OR51E1: variants seen among roughly 807,000 people sequenced by gnomAD.
The protein encoded by OR51E1 is olfactory receptor family 51 subfamily E member 1, also known as olfactory receptor 51E1.
Under a neutral mutation model 11.5 loss-of-function variants are expected in OR51E1, and 9 were observed. The ratio of observed to expected loss-of-function variants is 0.78; its 90% CI spans 0.47 to 1.37. OR51E1 has a LOEUF of 1.37. OR51E1 is among the 40% of genes most tolerant of loss of function. The pLI is 0.00. For synonymous variants in OR51E1, 168 were observed against 158.3 expected, an observed-to-expected ratio of 1.06 and a Z score of -0.46; for missense variants, 397 against 410.2, an observed-to-expected ratio of 0.97 and a Z score of 0.28.
rs1847127593 is a variant in OR51E1, at chr11:4,653,276, G to T, written c.750G>T (p.Val250=). The change falls in exon 2 of 2, where the codon GTG becomes GTT. Residue 250 remains valine (V), a synonymous_variant. Transcript: ENST00000396952. The part of the protein sequence containing the change: ...FGTCVSHVCA[V]FIFYVPFIGL... ...CTTGCGTCTCTCATGTGTGTGCTGT[G>T]TTCATATTCTATGTACCTTTCATTG... The T allele has an allele frequency of 1.2e-6, 2 of 1,614,022 alleles. No individual in the cohort carries two copies. The highest frequency in any genetic ancestry group is 2.2e-5 in the South Asian group (2 of 91,088).
chr11:4,652,712 G>A lies in OR51E1; in HGVS notation c.186G>A (p.Met62Ile), dbSNP rs768918165. 1.9e-6 allele frequency: 3 copies of A among 1,614,040 alleles called. No individual in the cohort carries two copies. The highest frequency in any genetic ancestry group is 2.5e-6 in the Non-Finnish European group (3 of 1,180,044). Residue 62 changes from methionine (M) to isoleucine (I), a missense_variant, in exon 2 of 2, where the codon ATG (methionine) becomes ATA (isoleucine). Physicochemically the swap from Met to Ile is conservative, Grantham distance 10. Coordinates refer to ENST00000396952, the MANE Select transcript of OR51E1 (RefSeq NM_152430.4). ...CTGAGCACAGCCTGCATGAGCCCAT[G>A]TATATATTTCTTTGCATGCTTTCAG... ...VRTEHSLHEP[M>I]YIFLCMLSGI...
intron 1 of OR51E1, among the ~76,000 whole-genome samples, chr11:4,650,409 G>A (rs963698625): frequency 6.6e-6 from 1 of 152,188 alleles, no homozygotes; most frequent in Non-Finnish European, 1.5e-5. Flanking sequence ...CTGCAGCAGC[G>A]AGAAGGGACA....
chr11:4,647,671 C>T (rs1041775578), intron 1 of OR51E1, among the ~76,000 whole-genome samples: 1 of 152,078 alleles, frequency 6.6e-6, no homozygotes, highest in Non-Finnish European at 1.5e-5. Flanking sequence ...ACGTGGATTT[C>T]CAGTCTTTAC....
chr11:4,652,832 A>G lies in OR51E1; in HGVS notation c.306A>G (p.Leu102=), dbSNP rs1247479332. ...STTIQFDACL[L]QMFAIHSLSG... Reference sequence around the variant, plus strand: ...CCATCCAGTTTGATGCTTGTCTGCTACAGATGTTTGCCATCCACTCCTTAT... The same window carrying G: ...CCATCCAGTTTGATGCTTGTCTGCTGCAGATGTTTGCCATCCACTCCTTAT... Residue 102 remains leucine (L), a synonymous_variant, in exon 2 of 2, where the codon CTA becomes CTG. Coordinates refer to ENST00000396952, the MANE Select transcript of OR51E1 (RefSeq NM_152430.4). 2 of 1,613,994 alleles carry G rather than the reference A, an allele frequency of 1.2e-6. No homozygotes were observed. Among genetic ancestry groups the G allele is most frequent in the Admixed American group, 1.7e-5 (1 of 59,994 alleles).
In OR51E1 at chr11:4,652,886, C is replaced by T. The variant is rs1276889594; in HGVS notation, c.360C>T (p.Ala120=). The change falls in exon 2 of 2, where the codon GCC becomes GCT. Residue 120 remains alanine (A), a synonymous_variant. Coordinates refer to ENST00000396952, the MANE Select transcript of OR51E1 (RefSeq NM_152430.4). ...GCATGGAATCCACAGTGCTGCTGGC[C>T]ATGGCTTTTGACCGCTATGTGGCCA... The part of the protein sequence containing the change: ...LSGMESTVLL[A]MAFDRYVAIC... 2 of 1,613,232 alleles carry T rather than the reference C, an allele frequency of 1.2e-6. No individual in the cohort carries two copies. The highest frequency in any genetic ancestry group is 1.7e-6 in the Non-Finnish European group (2 of 1,179,506).
Position 4,653,124 on chromosome 11 carries a change from G to C in OR51E1, c.598G>C (p.Val200Leu). Reference sequence around the variant, plus strand: ...CTGTGATGATATCCGGGTCAATGTCGTCTATGGCCTTATCGTCATCATCTC... The same window carrying C: ...CTGTGATGATATCCGGGTCAATGTCCTCTATGGCCTTATCGTCATCATCTC... ...LACDDIRVNV[V>L]YGLIVIISAI... The change falls in exon 2 of 2, where the codon GTC (valine) becomes CTC (leucine). Residue 200 changes from valine (V) to leucine (L), a missense_variant. Coordinates refer to ENST00000396952, the MANE Select transcript of OR51E1 (RefSeq NM_152430.4). 1 of 1,613,666 alleles carries C rather than the reference G, an allele frequency of 6.2e-7. No individual in the cohort carries two copies. Among genetic ancestry groups the C allele is most frequent in the Non-Finnish European group, 8.5e-7 (1 of 1,179,666 alleles).
intron 1 of OR51E1, among the ~76,000 whole-genome samples, chr11:4,650,568 T>A (rs1255641336): frequency 4.6e-5 from 7 of 152,194 alleles, no homozygotes; most frequent in Non-Finnish European, 1.0e-4. Flanking sequence ...TTCTATCTGG[T>A]CTGAGGAAAC....
At chr11:4,644,730 G>A (rs1299965482) in intron 1 of OR51E1, among the ~76,000 whole-genome samples, 2 of 152,028 alleles carry the variant, frequency 1.3e-5, no homozygotes, top group African/African-American at 2.4e-5. Flanking sequence ...CTTTGTATTA[G>A]CCAGGATGTA....
Position 4,652,916 on chromosome 11 carries a change from T to C in OR51E1, c.390T>C (p.Cys130=). 6.2e-7 allele frequency: 1 copy of C among 1,611,410 alleles called. No individual in the cohort carries two copies. The highest frequency in any genetic ancestry group is 1.1e-5 in the South Asian group (1 of 90,546). Residue 130 remains cysteine, a synonymous_variant, in exon 2 of 2, where the codon TGT becomes TGC. Transcript: ENST00000396952. ...AMAFDRYVAI[C]HPLRHATVLT... is the part of the protein sequence containing the mutation. ...CTTTTGACCGCTATGTGGCCATCTGTCACCCACTGCGCCATGCCACAGTAC... is the reference window on the plus strand; with the variant it reads ...CTTTTGACCGCTATGTGGCCATCTGCCACCCACTGCGCCATGCCACAGTAC...
At chr11:4,646,140 C>T (rs986785448) in intron 1 of OR51E1, among the ~76,000 whole-genome samples, 3 of 152,196 alleles carry the variant, frequency 2.0e-5, no homozygotes, top group African/African-American at 2.4e-5. Context: ...CCAGGTATGT[C>T]TGGGCTTCTC....
At chr11:4,644,462 G>A (rs1414493972) in intron 1 of OR51E1, among the ~76,000 whole-genome samples, 1 of 152,048 alleles carries the variant, frequency 6.6e-6, no homozygotes, top group Non-Finnish European at 1.5e-5. Context: ...TGGGGTGGAA[G>A]TGGGGCTCTG....
chr11:4,651,133 C>G (rs916035616), intron 1 of OR51E1, among the ~76,000 whole-genome samples: 8 of 152,178 alleles, frequency 5.3e-5, no homozygotes, highest in African/African-American at 1.9e-4. Context: ...TCAGTAATAT[C>G]AAATCATTTT....
chr11:4,650,941 C>CAA (rs34830469), intron 1 of OR51E1, among the ~76,000 whole-genome samples: 5,256 of 147,686 alleles, frequency 0.036, 259 homozygotes, highest in African/African-American at 0.12. Flanking sequence ...TGCAAATATT[C>CAA]AAAAAAAAAA....
chr11:4,652,383 G>T, intron 1 of OR51E1, 105 bp from the exon 2 acceptor site: 2 of 617,814 alleles, frequency 3.2e-6, no homozygotes, highest in African/African-American at 1.8e-5. Context: ...TTTGCATAAG[G>T]AATGGATTTA....
intron 1 of OR51E1, among the ~76,000 whole-genome samples, chr11:4,645,878 G>A (rs1286140929): frequency 6.6e-6 from 1 of 152,012 alleles, no homozygotes; most frequent in Non-Finnish European, 1.5e-5. Flanking sequence ...TTTTCATCTT[G>A]GCCATTTTAA....
In OR51E1 at chr11:4,653,203, A is replaced by T; in HGVS notation, c.677A>T (p.Lys226Met). The change falls in exon 2 of 2, where the codon AAG becomes ATG. Residue 226 changes from lysine (K) to methionine (M), a missense_variant. By Grantham distance (95) the Lys-to-Met change is moderately conservative. Transcript: ENST00000396952. ...TCCTTCTCATATCTGCTTATTCTTA[A>T]GACTGTGTTGGGCTTGACACGTGAA... The part of the protein sequence containing the change: ...LISFSYLLIL[K>M]TVLGLTREAQ... 1 of 1,614,038 alleles carries T rather than the reference A, an allele frequency of 6.2e-7. No homozygotes were observed. Among genetic ancestry groups the T allele is most frequent in the Non-Finnish European group, 8.5e-7 (1 of 1,179,978 alleles).
At chr11:4,651,385 A>C (rs1384699872) in intron 1 of OR51E1, among the ~76,000 whole-genome samples, 1 of 152,200 alleles carries the variant, frequency 6.6e-6, no homozygotes, top group Admixed American at 6.5e-5. Context: ...CAGGGGAAGA[A>C]AGCTAAGCAG....
At position 4,652,808 on chromosome 11, in the gene OR51E1, C is replaced by T; in HGVS notation, c.282C>T (p.Thr94=). 1 of 1,614,234 alleles carries T rather than the reference C, an allele frequency of 6.2e-7. No homozygotes were observed. Among genetic ancestry groups the T allele is most frequent in the Non-Finnish European group, 8.5e-7 (1 of 1,180,036 alleles). Residue 94 remains threonine (T), a synonymous_variant, in exon 2 of 2, where the codon ACC becomes ACT. Coordinates refer to ENST00000396952, the MANE Select transcript of OR51E1 (RefSeq NM_152430.4). ...CCATCTTCTGGTTCAATTCCACTAC[C>T]ATCCAGTTTGATGCTTGTCTGCTAC... ...MLAIFWFNST[T]IQFDACLLQM...
chr11:4,653,045 C>A lies in OR51E1; in HGVS notation c.519C>A (p.Arg173=), dbSNP rs1847121240. 6.2e-7 allele frequency: 1 copy of A among 1,612,730 alleles called. No individual in the cohort carries two copies. The highest frequency in any genetic ancestry group is 1.3e-5 in the African/African-American group (1 of 74,906). Residue 173 remains arginine (R), a synonymous_variant, in exon 2 of 2, where the codon CGC becomes CGA. Transcript: ENST00000396952. ...PVFIKQLPFC[R]SNILSHSYCL... is the part of the protein sequence containing the mutation. ...TCATCAAGCAGCTGCCCTTCTGCCGCTCCAATATCCTTTCCCATTCCTACT... is the reference window on the plus strand; with the variant it reads ...TCATCAAGCAGCTGCCCTTCTGCCGATCCAATATCCTTTCCCATTCCTACT...
Sources: allele counts gnomAD v4.1 joint callset (sites outside exome capture counted in the v4.1 genomes callset), GRCh38; gene constraint gnomAD v4.1.1; transcripts MANE v1.5; gene names NCBI Gene and HGNC (gene_info 2026-07-23, HGNC 2026-07-21).